The following NLRC3 variants were observed in gnomAD, a reference collection of about 807,000 sequenced individuals.
NLRC3 encodes the protein NLR family CARD domain-containing protein 3.
Under a neutral mutation model 91.6 loss-of-function variants are expected in NLRC3, and 87 were observed. That is an observed-to-expected ratio of 0.95 (90% confidence interval 0.80 to 1.14). The LOEUF (loss-of-function observed/expected upper bound fraction) is 1.14, where lower values mean the gene tolerates loss of function less well. Among genes scored for constraint, NLRC3 ranks in the 50% most tolerant of loss-of-function variants. NLRC3 has a pLI of 0.00. For synonymous variants in NLRC3, 694 were observed against 625.3 expected (o/e 1.11, Z -1.64); for missense variants, 1,577 against 1,418.6 (o/e 1.11, Z -1.79).
chr16:3,543,556 C>T (rs955745798), intron 16 of NLRC3, 48 bp from the exon 17 acceptor site: 2 of 1,255,566 alleles, frequency 1.6e-6, no homozygotes, highest in Admixed American at 3.6e-5. Flanking sequence ...GGCCCACCTC[C>T]CTCCGCATAC....
At chr16:3,569,688 G>A (rs1225041197) in intron 1 of NLRC3, among the ~76,000 whole-genome samples, 5 of 151,752 alleles carry the variant, frequency 3.3e-5, no homozygotes, top group African/African-American at 7.3e-5. Context: ...GTGAGCCACC[G>A]TGCCCAGCCC....
chr16:3,564,413 A>G lies in NLRC3; in HGVS notation c.524T>C (p.Leu175Pro), dbSNP rs1221881210. 2 of 1,612,748 alleles carry G rather than the reference A, an allele frequency of 1.2e-6. No individual in the cohort carries two copies. The highest frequency in any genetic ancestry group is 1.7e-6 in the Non-Finnish European group (2 of 1,179,882). ...GQVGKDFSLV[L>P]PLTFRDLNTH... ...GTTGAGATCCCGGAAGGTCAGAGGC[A>G]GCACCAGCGAGAAGTCCTTGCCGAC... Residue 175 changes from leucine to proline, a missense_variant, in exon 5 of 20, where the codon CTG (leucine) becomes CCG (proline). Coordinates refer to ENST00000359128, the MANE Select transcript of NLRC3 (RefSeq NM_178844.4). This position sits in a 1 kb window ranked among gnomAD's most constrained non-coding sequence, Gnocchi z 5.9.
Position 3,573,342 on chromosome 16 carries a change from C to T in NLRC3, c.-169+3807G>A, listed in dbSNP as rs142447281. Among the ~76,000 whole-genome samples, 274 of 152,214 alleles carry T rather than the reference C, an allele frequency of 1.8e-3. 2 individuals carry two copies. Among genetic ancestry groups the T allele is most frequent in the African/African-American group, 6.1e-3 (253 of 41,538 alleles). On this transcript the variant is annotated intron_variant, in intron 1 of 19. Coordinates refer to ENST00000359128, the MANE Select transcript of NLRC3 (RefSeq NM_178844.4). ...CTCAAGGAAGCTGAGGTGGGAGGAT[C>T]GCTTAACTCCCGCCGTCAAGGCTGC... is the stretch of plus-strand genomic sequence containing the variant.
rs1374802756 is a variant in NLRC3, at chr16:3,563,408, A to G, written c.1529T>C (p.Leu510Pro). Residue 510 changes from leucine to proline, a missense_variant, in exon 5 of 20, where the codon CTG (leucine) becomes CCG (proline). Physicochemically the swap from Leu to Pro is moderately conservative, Grantham distance 98. Transcript: ENST00000359128. Reference protein sequence around the residue: ...QRAMQAEDGRLDVFLRFLSGL... With the variant: ...QRAMQAEDGRPDVFLRFLSGL... ...GGAGAGGAAGCGCAGGAACACGTCCAGCCTCCCGTCCTCTGCCTGCATGGC... is the reference window on the plus strand; with the variant it reads ...GGAGAGGAAGCGCAGGAACACGTCCGGCCTCCCGTCCTCTGCCTGCATGGC... 6.3e-7 allele frequency: 1 copy of G among 1,577,152 alleles called. No individual in the cohort carries two copies.
rs1295182035 is a variant in NLRC3 at position 3,539,259 on chromosome 16, G to T, written c.*2566C>A. ...GCTGTTAGACCCAGGGGACTCTCAGGTGCCAGAATTGGGGACTCCTTTAAT... is the reference window on the plus strand; with the variant it reads ...GCTGTTAGACCCAGGGGACTCTCAGTTGCCAGAATTGGGGACTCCTTTAAT... On this transcript the variant is annotated 3_prime_UTR_variant, in exon 20 of 20. Transcript: ENST00000359128. 6.6e-6 allele frequency: 1 copy of T among 152,146 alleles called. No individual in the cohort carries two copies. Among genetic ancestry groups the T allele is most frequent in the East Asian group, 1.9e-4 (1 of 5,194 alleles). The allele number at this position is 152,146 out of a possible 1,614,324, so 9.4% of individuals were successfully genotyped here.
chr16:3,548,523 T>G, intron 14 of NLRC3, 147 bp downstream of exon 14: 1 of 650,272 alleles, frequency 1.5e-6, no homozygotes. Flanking sequence ...GGGCACAGTC[T>G]GCTGGCAGCA....
intron 17 of NLRC3, 96 bp downstream of exon 17, chr16:3,543,329 T>C (rs1226896967): frequency 2.4e-6 from 2 of 848,606 alleles, no homozygotes; most frequent in African/African-American, 3.4e-5. Context: ...CAGGATGATT[T>C]GTGAGTTGTC....
Position 3,563,460 on chromosome 16 carries a change from T to C in NLRC3, c.1477A>G (p.Thr493Ala), listed in dbSNP as rs780215679. 6.3e-7 allele frequency: 1 copy of C among 1,582,876 alleles called. No individual in the cohort carries two copies. Among genetic ancestry groups the C allele is most frequent in the Non-Finnish European group, 8.6e-7 (1 of 1,164,974 alleles). ...GVSWPRLGFL[T>A]HFRSAAQRAM... is the part of the protein sequence containing the mutation. ...CGCTGGGCTGCGCTCCTGAAATGCG[T>C]GAGGAAGCCCAGCCTGGGCCAGGAT... is the stretch of plus-strand genomic sequence containing the variant. Residue 493 changes from threonine to alanine, a missense_variant, in exon 5 of 20, where the codon ACG (threonine) becomes GCG (alanine). Coordinates refer to ENST00000359128, the MANE Select transcript of NLRC3 (RefSeq NM_178844.4).
chr16:3,567,053 C>T (rs1352477083), intron 2 of NLRC3, among the ~76,000 whole-genome samples, 190 bp downstream of exon 2: 1 of 152,210 alleles, frequency 6.6e-6, no homozygotes, highest in Non-Finnish European at 1.5e-5. Flanking sequence ...GGGCTCCCAG[C>T]AGTGCTGTTT....
chr16:3,563,788 G>C lies in NLRC3; in HGVS notation c.1149C>G (p.Ser383Arg). 1 of 1,612,386 alleles carries C rather than the reference G, an allele frequency of 6.2e-7. No individual in the cohort carries two copies. ...SGEGQEKGKA[S>R]PRIEQVAHGG... ...CATGGGCCACCTGCTCGATGCGAGG[G>C]CTTGCCTTGCCCTTCTCCTGCCCCT... Residue 383 changes from serine (S) to arginine (R), a missense_variant, in exon 5 of 20, where the codon AGC (serine) becomes AGG (arginine). By Grantham distance (110) the Ser-to-Arg change is moderately radical. Coordinates refer to ENST00000359128, the MANE Select transcript of NLRC3 (RefSeq NM_178844.4).
rs2038327106 is a variant in NLRC3 at position 3,539,748 on chromosome 16, T to C, written c.*2077A>G. The C allele has an allele frequency of 6.6e-6, 1 of 152,146 alleles. No homozygotes were observed. The highest frequency in any genetic ancestry group is 1.5e-5 in the Non-Finnish European group (1 of 68,002). The allele number at this position is 152,146 out of a possible 1,614,324, so 9.4% of individuals were successfully genotyped here. On this transcript the variant is annotated 3_prime_UTR_variant, in exon 20 of 20. Coordinates refer to ENST00000359128, the MANE Select transcript of NLRC3 (RefSeq NM_178844.4). ...CAGATTTCCCCCCTTTTACAAATAA[T>C]GTTTTGTTTTATTTCCCAGCTACTA...
Position 3,563,957 on chromosome 16 carries a change from G to C in NLRC3, c.980C>G (p.Thr327Ser), listed in dbSNP as rs765746947. The C allele has an allele frequency of 2.8e-5, 45 of 1,600,738 alleles. No homozygotes were observed. The Admixed American group carries it at 7.4e-4, about 26-fold the overall frequency. ...QADRALYLMC[T>S]VPAFCRLTGM... ...CGTGAGCCTGCAGAAGGCTGGGACGGTGCACATCAGGTACAGGGCCCTGTC... is the reference window on the plus strand; with the variant it reads ...CGTGAGCCTGCAGAAGGCTGGGACGCTGCACATCAGGTACAGGGCCCTGTC... Residue 327 changes from threonine (T) to serine (S), a missense_variant, in exon 5 of 20, where the codon ACC (threonine) becomes AGC (serine). Physicochemically the swap from Thr to Ser is moderately conservative, Grantham distance 58. Coordinates refer to ENST00000359128, the MANE Select transcript of NLRC3 (RefSeq NM_178844.4).
intron 5 of NLRC3, among the ~76,000 whole-genome samples, chr16:3,562,416 G>C (rs775008216): frequency 1.3e-5 from 2 of 152,114 alleles, no homozygotes; most frequent in Admixed American, 6.6e-5. Flanking sequence ...TGGGGTGGGC[G>C]GGTCACCTGA....
chr16:3,544,698 G>T (rs528427368), intron 15 of NLRC3: 2 of 230,740 alleles, frequency 8.7e-6, no homozygotes, highest in Non-Finnish European at 1.8e-5. Flanking sequence ...TTGAGACAGG[G>T]TCTCACTCTG....
intron 8 of NLRC3, chr16:3,555,923 AAAATAAATAAATAAATAAATAAAT>A (rs61481021): frequency 2.2e-5 from 3 of 137,538 alleles, no homozygotes; most frequent in East Asian, 4.3e-4. Context: ...CACCCTAATA[AAAATAAATAAATAAATAAATAAAT>A]AAATAAATAA....
At chr16:3,561,850 G>T in intron 5 of NLRC3, 62 bp from the exon 6 acceptor site, 1 of 1,188,032 alleles carries the variant, frequency 8.4e-7, no homozygotes, top group Non-Finnish European at 1.3e-6. Context: ...TGGGGGCCCT[G>T]GCCCGGGGCC....
At chr16:3,568,155 C>T (rs1596489638) in intron 1 of NLRC3, among the ~76,000 whole-genome samples, 1 of 152,076 alleles carries the variant, frequency 6.6e-6, no homozygotes, top group Non-Finnish European at 1.5e-5. Context: ...TGCTTTTTAT[C>T]TGGAAAATGA....
intron 8 of NLRC3, among the ~76,000 whole-genome samples, chr16:3,555,059 A>G (rs1276719153): frequency 1.3e-5 from 2 of 151,940 alleles, no homozygotes; most frequent in African/African-American, 4.8e-5. Flanking sequence ...GTGAAACCCC[A>G]TCTCTACTAA....
intron 5 of NLRC3, 107 bp downstream of exon 5, chr16:3,562,902 A>T: frequency 1.9e-6 from 2 of 1,025,982 alleles, no homozygotes; most frequent in Non-Finnish European, 2.9e-6. Flanking sequence ...GTCCTCTGTT[A>T]CGGCAGCCCT....
Sources: allele counts gnomAD v4.1 joint callset (sites outside exome capture counted in the v4.1 genomes callset), GRCh38; gene constraint gnomAD v4.1.1; non-coding constraint Gnocchi (gnomAD v3.1); transcripts MANE v1.5; gene names NCBI Gene and HGNC (gene_info 2026-07-23, HGNC 2026-07-21).